The following MYNN variants were observed in gnomAD, a reference collection of about 807,000 sequenced individuals.
MYNN encodes the protein zinc finger and BTB domain-containing protein 31.
A neutral mutation model predicts 57.2 loss-of-function variants in MYNN; 22 were observed. The observed-to-expected ratio is 0.38, with a 90% CI of 0.27 to 0.55. The LOEUF is 0.55. Among genes scored for constraint, MYNN ranks in the 20% least tolerant of loss-of-function variants. MYNN has a pLI of 0.71. For synonymous variants in MYNN, 241 were observed against 257.1 expected (o/e 0.94, Z 0.60); for missense variants, 566 against 723.1 (o/e 0.78, Z 2.49).
At chr3:169,780,381 C>T (rs1292116769) in intron 3 of MYNN, 1 of 428,380 alleles carries the variant, frequency 2.3e-6, no homozygotes. Flanking sequence ...TTTTAAAATG[C>T]TGTATGTATT....
In MYNN at chr3:169,782,381, A is replaced by G. The variant is rs1003850227; in HGVS notation, c.1221-84A>G. The G allele has an allele frequency of 4.4e-6, 5 of 1,142,504 alleles. No individual in the cohort carries two copies. Among genetic ancestry groups the G allele is most frequent in the African/African-American group, 3.1e-5 (2 of 63,926 alleles). 70.8% of individuals were successfully genotyped at this position (1,142,504 alleles called of 1,614,324 possible). A position where few individuals can be genotyped will look rare whatever the true frequency, so the allele number is the denominator to read the frequency against. On this transcript the variant is annotated intron_variant, in intron 4 of 7. Coordinates refer to ENST00000349841, the MANE Select transcript of MYNN (RefSeq NM_018657.5). The surrounding 1 kb of genome is among the most constrained non-coding windows in gnomAD (Gnocchi z 4.8). ...TTGGCCTGTTAAGATGACATGAAAT[A>G]AAATCTATAAAAAACTTTATGAATT...
rs370494498 is a variant in MYNN at position 169,779,280 on chromosome 3, G to A, written c.779G>A (p.Arg260His). Residue 260 changes from arginine to histidine, a missense_variant, in exon 3 of 8, where the codon CGT becomes CAT. Arg to His is a conservative substitution (Grantham distance 29). Around this residue, in one of 4 missense-constraint regions of MYNN, gnomAD observed 261 missense variants for 280.8 expected, o/e 0.93. Transcript: ENST00000349841. Reference protein sequence around the residue: ...IVHTVTVKRKRGKSQPNCALK... With the variant: ...IVHTVTVKRKHGKSQPNCALK... ...CACACTGTTACAGTGAAACGGAAAC[G>A]TGGAAAATCACAGCCAAACTGTGCT... The A allele has an allele frequency of 8.7e-6, 14 of 1,614,054 alleles. No individual in the cohort carries two copies. The highest frequency in any genetic ancestry group is 5.0e-5 in the Admixed American group (3 of 60,000).
At chr3:169,774,611 A>C (rs1175431641) in intron 2 of MYNN, 50 bp downstream of exon 2, 8 of 1,506,530 alleles carry the variant, frequency 5.3e-6, no homozygotes, top group Non-Finnish European at 6.3e-6. Flanking sequence ...AGTAGTCTTC[A>C]CAGCAAAAGT....
chr3:169,780,059 TTTTC>T (rs1778464286), intron 3 of MYNN: 2 of 158,762 alleles, frequency 1.3e-5, no homozygotes, highest in Non-Finnish European at 2.8e-5. Context: ...ATTCGTACTT[TTTTC>T]TTTTTTTTTT....
intron 4 of MYNN, among the ~76,000 whole-genome samples, chr3:169,781,294 A>G (rs1022525486): frequency 2.6e-5 from 4 of 152,224 alleles, no homozygotes; most frequent in Non-Finnish European, 5.9e-5. Context: ...GAACAGTTTA[A>G]GTGGAAGTGC....
Position 169,783,486 on chromosome 3 carries a change from C to T in MYNN, c.1409C>T (p.Pro470Leu). 6.2e-7 allele frequency: 1 copy of T among 1,604,764 alleles called. No homozygotes were observed. The highest frequency in any genetic ancestry group is 8.5e-7 in the Non-Finnish European group (1 of 1,173,094). Residue 470 changes from proline to leucine, a missense_variant, in exon 6 of 8, where the codon CCA becomes CTA. This residue lies in a region of MYNN where 156 missense variants were observed against 163.9 expected (regional missense o/e 0.95). Transcript: ENST00000349841. ...THSRKHTGEK[P>L]YICGICGKSF... is the part of the protein sequence containing the mutation. ...TTTATTTTCCATCTAGGTGAAAAAC[C>T]ATACATATGTGGTATTTGTGGGAAA...
At chr3:169,780,840 A>C in intron 4 of MYNN, 91 bp downstream of exon 4, 4 of 1,085,220 alleles carry the variant, frequency 3.7e-6, no homozygotes, top group Non-Finnish European at 5.0e-6. Flanking sequence ...AGGACAGTAG[A>C]ATTGTAATTG....
chr3:169,782,610 A>G lies in MYNN; in HGVS notation c.1366A>G (p.Ser456Gly), dbSNP rs1033224954. 6.2e-7 allele frequency: 1 copy of G among 1,613,826 alleles called. No homozygotes were observed. Among genetic ancestry groups the G allele is most frequent in the Admixed American group, 1.7e-5 (1 of 59,986 alleles). The change falls in exon 5 of 8, where the codon AGT (serine) becomes GGT (glycine). Residue 456 changes from serine (S) to glycine (G), a missense_variant. Physicochemically the swap from Ser to Gly is moderately conservative, Grantham distance 56 (BLOSUM62 0). This residue lies in a region of MYNN where 123 missense variants were observed against 222.6 expected (regional missense o/e 0.55). Coordinates refer to ENST00000349841, the MANE Select transcript of MYNN (RefSeq NM_018657.5). The surrounding 1 kb of genome is among the most constrained non-coding windows in gnomAD (Gnocchi z 4.8). ...DTCGKAFAVSSSLITHSRKHT... is the reference protein window; with the variant it reads ...DTCGKAFAVSGSLITHSRKHT... The stretch of plus-strand genomic sequence containing the variant: ...CTGTGGGAAGGCATTTGCTGTCTCT[A>G]GTTCTCTTATCACTCATTCTCGAAA...
At chr3:169,775,990 T>G (rs913177935) in intron 2 of MYNN, among the ~76,000 whole-genome samples, 1 of 152,202 alleles carries the variant, frequency 6.6e-6, no homozygotes, top group Non-Finnish European at 1.5e-5. Context: ...TTGGAATTAT[T>G]TTTAAATTTT....
At chr3:169,779,787 C>T in intron 3 of MYNN, 1 of 508,126 alleles carries the variant, frequency 2.0e-6, no homozygotes, top group East Asian at 3.0e-5. Context: ...CATTTTCCCT[C>T]CAAATAAGTA....
chr3:169,783,635 C>T, intron 6 of MYNN, 75 bp downstream of exon 6: 1 of 968,682 alleles, frequency 1.0e-6, no homozygotes, highest in Non-Finnish European at 1.7e-6. Context: ...ACTTTTAAGC[C>T]ATTATGGACT....
Position 169,789,672 on chromosome 3 carries a change from T to TCTC in MYNN, c.*2994_*2995insCTC. ...TGACTAATTTTTGTTAGAGATGGGG[T>TCTC]TTCATTCTGTTGGCCAGGCTGGTCT... On this transcript the variant is annotated 3_prime_UTR_variant, in exon 8 of 8. Coordinates refer to ENST00000349841, the MANE Select transcript of MYNN (RefSeq NM_018657.5). 6.6e-6 allele frequency: 1 copy of TCTC among 152,184 alleles called. No homozygotes were observed. The highest frequency in any genetic ancestry group is 6.5e-5 in the Admixed American group (1 of 15,276). 9.4% of individuals were successfully genotyped at this position (152,184 alleles called of 1,614,324 possible). A position where few individuals can be genotyped will look rare whatever the true frequency, so the allele number is the denominator to read the frequency against.
rs1778262975 is a variant in MYNN, at chr3:169,774,270, G to C, written c.-26G>C. The C allele has an allele frequency of 3.7e-6, 6 of 1,606,000 alleles. No homozygotes were observed. The highest frequency in any genetic ancestry group is 1.3e-5 in the African/African-American group (1 of 74,708). On this transcript the variant is annotated 5_prime_UTR_variant, in exon 2 of 8. Coordinates refer to ENST00000349841, the MANE Select transcript of MYNN (RefSeq NM_018657.5). ...TGTTTCTTTTTGTCTTTTAGATCAAGGGTAAAATTCCATTCTGATATCAAA... is the reference window on the plus strand; with the variant it reads ...TGTTTCTTTTTGTCTTTTAGATCAACGGTAAAATTCCATTCTGATATCAAA...
In MYNN at chr3:169,774,169, G is replaced by A. The variant is rs192213312; in HGVS notation, c.-31-96G>A. ...ATGTTTGATAAGGATTTTCAAGGGG[G>A]CTAAAATTGTTTAAGTTATGTCCTC... On this transcript the variant is annotated intron_variant, in intron 1 of 7. Transcript: ENST00000349841. 24 of 886,704 alleles carry A rather than the reference G, an allele frequency of 2.7e-5. No homozygotes were observed. The East Asian group carries it at 5.2e-4, about 19-fold the overall frequency. 54.9% of individuals were successfully genotyped at this position (886,704 alleles called of 1,614,324 possible). A position where few individuals can be genotyped will look rare whatever the true frequency, so the allele number is the denominator to read the frequency against.
chr3:169,785,062 G>GA (rs199983098), intron 7 of MYNN, among the ~76,000 whole-genome samples: 1,250 of 91,804 alleles, frequency 0.014, 33 homozygotes, highest in African/African-American at 0.049. Flanking sequence ...TGGTTATTAT[G>GA]AAAAAAAAGG....
In MYNN at chr3:169,778,942, G is replaced by A; in HGVS notation, c.441G>A (p.Leu147=). The A allele has an allele frequency of 1.2e-6, 2 of 1,613,850 alleles. No homozygotes were observed. Among genetic ancestry groups the A allele is most frequent in the Non-Finnish European group, 1.7e-6 (2 of 1,180,008 alleles). The change falls in exon 3 of 8, where the codon CTG becomes CTA. Residue 147 remains leucine (L), a synonymous_variant. Coordinates refer to ENST00000349841, the MANE Select transcript of MYNN (RefSeq NM_018657.5). The part of the protein sequence containing the change: ...ELNQQTCLLT[L]RDYNNREKSE... ...ATCAACAGACTTGTCTTCTTACTCT[G>A]CGAGATTATAATAATCGAGAGAAAT...
Position 169,786,524 on chromosome 3 carries a change from T to C in MYNN, c.1679T>C (p.Met560Thr), listed in dbSNP as rs763501903. ...SETMDVKPSD[M>T]TLPLALPLGT... The stretch of plus-strand genomic sequence containing the variant: ...ACTATGGATGTGAAGCCTTCTGATA[T>C]GACTTTACCATTAGCTCTTCCACTT... The change falls in exon 8 of 8, where the codon ATG (methionine) becomes ACG (threonine). Residue 560 changes from methionine (M) to threonine (T), a missense_variant. Physicochemically the swap from Met to Thr is moderately conservative, Grantham distance 81. Around this residue, in one of 4 missense-constraint regions of MYNN, gnomAD observed 156 missense variants for 163.9 expected, o/e 0.95. Transcript: ENST00000349841. 6.8e-6 allele frequency: 11 copies of C among 1,613,650 alleles called. No individual in the cohort carries two copies. The highest frequency in any genetic ancestry group is 1.6e-4 in the Middle Eastern group (1 of 6,084).
At chr3:169,784,846 C>A in intron 7 of MYNN, 138 bp downstream of exon 7, 2 of 402,190 alleles carry the variant, frequency 5.0e-6, no homozygotes, top group Non-Finnish European at 8.9e-6. Context: ...TAGGTATATA[C>A]ATGTGAGGAA....
intron 2 of MYNN, among the ~76,000 whole-genome samples, chr3:169,775,909 G>C (rs1220540456): frequency 6.6e-6 from 1 of 152,020 alleles, no homozygotes; most frequent in Non-Finnish European, 1.5e-5. Context: ...CTTTTGACGA[G>C]GAAACATTCT....
Sources: gnomAD v4.1 joint callset for allele counts (sites outside exome capture counted in the v4.1 genomes callset) on GRCh38, gnomAD v4.1.1 for gene constraint, gnomAD v4.1.1 regional missense constraint, Gnocchi (gnomAD v3.1) non-coding constraint, MANE v1.5 for transcripts, NCBI Gene and HGNC (gene_info 2026-07-23, HGNC 2026-07-21) for gene names.